Variants in EPM2A observed in about 807,000 individuals in gnomAD.
The protein encoded by EPM2A is laforin.
EPM2A carries 21 observed loss-of-function variants against 26.5 expected under a neutral mutation model. That is an observed-to-expected ratio of 0.79 (90% CI 0.56 to 1.14). The LOEUF (loss-of-function observed/expected upper bound fraction) is 1.14. Among genes scored for constraint, EPM2A ranks in the 50% most tolerant of loss-of-function variants. EPM2A has a pLI of 0.00. For missense variants in EPM2A, 458 were observed against 440.8 expected (o/e 1.04, Z -0.35); for synonymous variants, 217 against 177.6 (o/e 1.22, Z -1.76).
intron 2 of EPM2A, among the ~76,000 whole-genome samples, chr6:145,525,602 C>T (rs929126420): frequency 1.3e-5 from 2 of 152,040 alleles, no homozygotes; most frequent in African/African-American, 4.8e-5. Context: ...ATCTTAAACA[C>T]TATTGGCGTA....
intron 4 of EPM2A, among the ~76,000 whole-genome samples, chr6:145,405,728 T>C (rs1471293807): frequency 1.3e-5 from 2 of 152,126 alleles, no homozygotes; most frequent in Non-Finnish European, 2.9e-5. Flanking sequence ...TATAACCACA[T>C]TGGAGAACAA....
At chr6:145,731,195 C>T (rs533861568) in intron 1 of EPM2A, among the ~76,000 whole-genome samples, 9 of 152,344 alleles carry the variant, frequency 5.9e-5, no homozygotes, top group East Asian at 1.9e-4. Flanking sequence ...CCCAGCCACA[C>T]ACCCTGAGCG....
In EPM2A at chr6:145,626,633, A is replaced by T. The variant is rs1460697438; in HGVS notation, c.*783T>A. 22 of 980,540 alleles carry T rather than the reference A, an allele frequency of 2.2e-5. No homozygotes were observed. The highest frequency in any genetic ancestry group is 2.7e-5 in the Non-Finnish European group (22 of 825,452). The allele number at this position is 980,540 out of a possible 1,614,324, so 60.7% of individuals were successfully genotyped here. On this transcript the variant is annotated 3_prime_UTR_variant, in exon 4 of 4. Transcript: ENST00000367519. The stretch of plus-strand genomic sequence containing the variant: ...GAAAACAGTGCTGAGTCAAATAAAT[A>T]TAGATTATTAACTCCAGCTTGCCCT...
intron 2 of EPM2A, among the ~76,000 whole-genome samples, chr6:145,529,012 G>A (rs1780317521): frequency 6.6e-6 from 1 of 152,108 alleles, no homozygotes; most frequent in Non-Finnish European, 1.5e-5. Context: ...AAGATGTGGT[G>A]AAAACAAGAA....
intron 1 of EPM2A, among the ~76,000 whole-genome samples, chr6:145,696,668 A>G (rs1368313667): frequency 6.6e-6 from 1 of 152,130 alleles, no homozygotes; most frequent in East Asian, 1.9e-4. Flanking sequence ...AAAATAAATG[A>G]AAATATATTT....
At chr6:145,490,493 C>A in intron 4 of EPM2A, 1 of 721,538 alleles carries the variant, frequency 1.4e-6, no homozygotes, top group Non-Finnish European at 2.6e-6. Context: ...TTAAAATGTC[C>A]AGAACAGTCA....
At chr6:145,603,997 A>C (rs746945955) in intron 2 of EPM2A, among the ~76,000 whole-genome samples, 1 of 152,210 alleles carries the variant, frequency 6.6e-6, no homozygotes, top group Non-Finnish European at 1.5e-5. Context: ...ACAATATCTT[A>C]AACAATTTAA....
At chr6:145,529,336 G>A (rs1371007206) in intron 2 of EPM2A, among the ~76,000 whole-genome samples, 1 of 152,074 alleles carries the variant, frequency 6.6e-6, no homozygotes, top group African/African-American at 2.4e-5. Flanking sequence ...TTTATGAAAG[G>A]AAGAGTTAAC....
At chr6:145,707,324 G>C (rs1782278665) in intron 1 of EPM2A, among the ~76,000 whole-genome samples, 1 of 152,144 alleles carries the variant, frequency 6.6e-6, no homozygotes, top group Non-Finnish European at 1.5e-5. Flanking sequence ...AAGTGGCAGG[G>C]GAAGAGCAGG....
At chr6:145,491,510 C>T (rs1417510840) in intron 4 of EPM2A, among the ~76,000 whole-genome samples, 1 of 152,156 alleles carries the variant, frequency 6.6e-6, no homozygotes, top group African/African-American at 2.4e-5. Context: ...TCAAACCAGT[C>T]TCTGATGTCC....
chr6:145,435,412 TA>T (rs199875477), intron 4 of EPM2A, among the ~76,000 whole-genome samples: 11,888 of 105,130 alleles, frequency 0.11, 528 homozygotes, highest in African/African-American at 0.15. Flanking sequence ...GAAGAATTTA[TA>T]TATATATATA....
intron 4 of EPM2A, among the ~76,000 whole-genome samples, chr6:145,384,346 T>A (rs919138207): frequency 8.3e-6 from 1 of 120,362 alleles, no homozygotes; most frequent in African/African-American, 3.1e-5. Flanking sequence ...TAAGTTGGAT[T>A]TCTGGGAAAG....
At chr6:145,383,651 A>G (rs1020503959) in exon 5 of EPM2A, 1 of 152,202 alleles carries the variant, frequency 6.6e-6, no homozygotes, top group Non-Finnish European at 1.5e-5. Context: ...CCTACCTCCA[A>G]CGCTGGGGAT....
intron 4 of EPM2A, among the ~76,000 whole-genome samples, chr6:145,495,640 C>T (rs1442377458): frequency 6.6e-6 from 1 of 152,134 alleles, no homozygotes; most frequent in Non-Finnish European, 1.5e-5. Context: ...TGCAATGACA[C>T]AATCTCAGCT....
intron 2 of EPM2A, among the ~76,000 whole-genome samples, chr6:145,599,442 A>C (rs1781388501): frequency 6.6e-6 from 1 of 151,742 alleles, no homozygotes. Flanking sequence ...TTAGTGGAAG[A>C]CTTCTTTAAC....
intron 2 of EPM2A, among the ~76,000 whole-genome samples, chr6:145,685,159 A>G (rs1780817305): frequency 6.6e-6 from 1 of 152,202 alleles, no homozygotes; most frequent in Non-Finnish European, 1.5e-5. Context: ...CGAAGTGTGA[A>G]AGACATTTAT....
chr6:145,577,580 C>A (rs991234936), intron 2 of EPM2A, among the ~76,000 whole-genome samples: 1 of 144,882 alleles, frequency 6.9e-6, no homozygotes, highest in Non-Finnish European at 1.5e-5. Context: ...AAATGTAGAC[C>A]CCCCCCCAAT....
At chr6:145,667,930 C>T (rs1209455082) in intron 2 of EPM2A, among the ~76,000 whole-genome samples, 4 of 149,608 alleles carry the variant, frequency 2.7e-5, no homozygotes, top group African/African-American at 7.4e-5. Context: ...AACCAAACAC[C>T]GTATATTCTC....
intron 2 of EPM2A, among the ~76,000 whole-genome samples, chr6:145,518,521 T>G (rs187594357): frequency 1.8e-3 from 269 of 150,384 alleles, no homozygotes; most frequent in African/African-American, 5.4e-3. Context: ...CTTTCCTGTC[T>G]CTTTGAAATT....
Sources: gnomAD v4.1 joint callset for allele counts (sites outside exome capture counted in the v4.1 genomes callset) on GRCh38, gnomAD v4.1.1 for gene constraint, MANE v1.5 for transcripts, NCBI Gene and HGNC (gene_info 2026-07-23, HGNC 2026-07-21) for gene names.